CNBD1: variants seen among roughly 807,000 people sequenced by gnomAD.
CNBD1 encodes the protein cyclic nucleotide binding domain containing 1.
CNBD1 carries 71 observed loss-of-function variants against 54.4 expected under a neutral mutation model. The ratio of observed to expected loss-of-function variants is 1.30; its 90% confidence interval spans 1.08 to 1.59. The LOEUF is 1.59. CNBD1 is among the 40% of genes most tolerant of loss of function. CNBD1 has a pLI of 0.00. For missense variants in CNBD1, 659 were observed against 518.0 expected (o/e 1.27, Z -2.64); for synonymous variants, 182 against 170.7 (o/e 1.07, Z -0.51).
At chr8:86,928,986 T>A (rs1290779496) in intron 3 of CNBD1, among the ~76,000 whole-genome samples, 1 of 152,204 alleles carries the variant, frequency 6.6e-6, no homozygotes, top group Non-Finnish European at 1.5e-5. Context: ...AAGTCCCCAT[T>A]CTTTTTCAGT....
intron 4 of CNBD1, among the ~76,000 whole-genome samples, chr8:86,964,871 G>A (rs1278786285): frequency 6.6e-6 from 1 of 152,134 alleles, no homozygotes; most frequent in African/African-American, 2.4e-5. Flanking sequence ...GCAAAGATCT[G>A]GGTTACACTA....
At chr8:87,002,326 C>T (rs1027361214) in intron 4 of CNBD1, among the ~76,000 whole-genome samples, 9 of 152,088 alleles carry the variant, frequency 5.9e-5, no homozygotes, top group African/African-American at 1.7e-4. Flanking sequence ...GATTGTTCTT[C>T]GCATAGTGGC....
intron 4 of CNBD1, among the ~76,000 whole-genome samples, chr8:87,001,062 TATC>T (rs1313585775): frequency 4.6e-4 from 70 of 152,264 alleles, no homozygotes; most frequent in African/African-American, 1.6e-3. Context: ...AACAAACAAT[TATC>T]ATTATATTGG....
intron 4 of CNBD1, among the ~76,000 whole-genome samples, chr8:87,086,350 G>C (rs1586246363): frequency 6.6e-6 from 1 of 152,224 alleles, no homozygotes; most frequent in Non-Finnish European, 1.5e-5. Flanking sequence ...TTTTTGCTGA[G>C]TAACCCCAGC....
intron 3 of CNBD1, among the ~76,000 whole-genome samples, chr8:86,934,528 G>C (rs1348469093): frequency 6.6e-6 from 1 of 152,076 alleles, no homozygotes; most frequent in Non-Finnish European, 1.5e-5. Flanking sequence ...CTAGAATGTT[G>C]AATCAATTAA....
chr8:87,091,282 T>C (rs770586731), intron 4 of CNBD1, among the ~76,000 whole-genome samples: 1 of 152,188 alleles, frequency 6.6e-6, no homozygotes, highest in Non-Finnish European at 1.5e-5. Flanking sequence ...GGCCTAATTC[T>C]TACATAGGTT....
rs1309655516 is a variant in CNBD1 at position 86,951,355 on chromosome 8, G to A, written c.431+11601G>A. On this transcript the variant is annotated intron_variant, in intron 4 of 10. Coordinates refer to ENST00000518476, the MANE Select transcript of CNBD1 (RefSeq NM_173538.3). The stretch of plus-strand genomic sequence containing the variant: ...TGTAATCCCAGCACTTTGGGAGGCC[G>A]AGGCAGGCAGATCACCTGAGGTTAG... Among the ~76,000 whole-genome samples the A allele has an allele frequency of 2.0e-5, 3 of 151,830 alleles. No homozygotes were observed. The East Asian group carries it at 5.8e-4, about 29-fold the overall frequency.
chr8:87,381,595 G>GTT (rs1811076008), intron 10 of CNBD1, among the ~76,000 whole-genome samples: 1 of 151,960 alleles, frequency 6.6e-6, no homozygotes, highest in Admixed American at 6.6e-5. Flanking sequence ...GCAGCATTAT[G>GTT]CATAATAGCT....
intron 4 of CNBD1, among the ~76,000 whole-genome samples, chr8:86,966,682 C>T (rs1189643700): frequency 6.6e-6 from 1 of 151,986 alleles, no homozygotes; most frequent in Non-Finnish European, 1.5e-5. Context: ...GTTGTTAGTT[C>T]CTCCGGATAG....
rs555700183 is a variant in CNBD1, at chr8:87,311,973, T to G, written c.1042+25302T>G. Among the ~76,000 whole-genome samples, 19 of 151,946 alleles carry G rather than the reference T, an allele frequency of 1.3e-4. No individual in the cohort carries two copies. In the South Asian group the frequency reaches 3.9e-3, roughly 32 times the overall value. ...GGGGAGGGAGAGAGGGGAGCAAGGA[T>G]TGAAAAACTAACTATTGGATAGTAT... On this transcript the variant is annotated intron_variant, in intron 8 of 10. Coordinates refer to ENST00000518476, the MANE Select transcript of CNBD1 (RefSeq NM_173538.3).
chr8:87,385,838 C>A (rs956625536), downstream of CNBD1, among the ~76,000 whole-genome samples: 7 of 152,128 alleles, frequency 4.6e-5, no homozygotes, highest in Non-Finnish European at 1.0e-4. Context: ...GTCCCTGACC[C>A]CCGAGTAGCC....
At chr8:87,033,282 G>T (rs544521619) in intron 4 of CNBD1, among the ~76,000 whole-genome samples, 88 of 152,256 alleles carry the variant, frequency 5.8e-4, no homozygotes, top group Admixed American at 1.7e-3. Context: ...TTGAATTAGA[G>T]ACATTGTGTT....
At chr8:87,135,015 T>G (rs1004063963) in intron 4 of CNBD1, among the ~76,000 whole-genome samples, 1 of 152,126 alleles carries the variant, frequency 6.6e-6, no homozygotes, top group African/African-American at 2.4e-5. Flanking sequence ...TAGAGTTAGG[T>G]CATTAAAAAT....
chr8:87,286,604 A>G lies in CNBD1; in HGVS notation c.975A>G (p.Glu325=), dbSNP rs189128077. The change falls in exon 8 of 11, where the codon GAA becomes GAG. Residue 325 remains glutamate (E), a synonymous_variant. Transcript: ENST00000518476. The part of the protein sequence containing the change: ...KLIRMCPYYE[E]WPTLSIYELI... ...TCCGTATGTGTCCTTATTATGAGGA[A>G]TGGCCTACTTTATCCATATATGAGC... is the stretch of plus-strand genomic sequence containing the variant. 6 of 1,502,770 alleles carry G rather than the reference A, an allele frequency of 4.0e-6. No homozygotes were observed. The highest frequency in any genetic ancestry group is 1.2e-5 in the South Asian group (1 of 83,240). The allele number at this position is 1,502,770 out of a possible 1,614,324, so 93.1% of individuals were successfully genotyped here. A position where few individuals can be genotyped will look rare whatever the true frequency, so the allele number is the denominator to read the frequency against.
intron 10 of CNBD1, among the ~76,000 whole-genome samples, chr8:87,355,885 A>T (rs991658520): frequency 1.3e-4 from 20 of 151,996 alleles, no homozygotes; most frequent in African/African-American, 4.6e-4. Context: ...GGTCAAGGAG[A>T]TGGATCCTTT....
intron 1 of CNBD1, among the ~76,000 whole-genome samples, chr8:86,867,618 C>A (rs989146086): frequency 2.0e-5 from 3 of 152,088 alleles, no homozygotes; most frequent in African/African-American, 7.2e-5. Context: ...AATAATCTTG[C>A]ATCTGGTCAA....
chr8:87,253,739 G>A (rs756513835), intron 6 of CNBD1, among the ~76,000 whole-genome samples: 2 of 152,170 alleles, frequency 1.3e-5, no homozygotes, highest in African/African-American at 2.4e-5. Context: ...GCATTTAAGT[G>A]CCAAATCAAG....
At chr8:87,337,308 T>C (rs1163592465) in intron 8 of CNBD1, among the ~76,000 whole-genome samples, 1 of 152,118 alleles carries the variant, frequency 6.6e-6, no homozygotes, top group African/African-American at 2.4e-5. Flanking sequence ...GGAGGAAAGA[T>C]TAAGTCTGCT....
At chr8:87,349,924 G>A (rs886549664) in intron 8 of CNBD1, among the ~76,000 whole-genome samples, 2 of 152,128 alleles carry the variant, frequency 1.3e-5, no homozygotes, top group African/African-American at 4.8e-5. Context: ...ATTCCTCTTT[G>A]TTGTTATATA....
Sources: allele counts gnomAD v4.1 joint callset (sites outside exome capture counted in the v4.1 genomes callset), GRCh38; gene constraint gnomAD v4.1.1; transcripts MANE v1.5; gene names NCBI Gene and HGNC (gene_info 2026-07-23, HGNC 2026-07-21).